GSE1: variants seen among roughly 807,000 people sequenced by gnomAD.
GSE1 encodes genetic suppressor element 1.
Under a neutral mutation model 112.6 loss-of-function variants are expected in GSE1, and 32 were observed. That is an observed-to-expected ratio of 0.28 (90% confidence interval 0.21 to 0.38). The LOEUF (loss-of-function observed/expected upper bound fraction) is 0.38. GSE1 is among the 10% of genes least tolerant of loss of function. GSE1 has a pLI of 1.00. For missense variants in GSE1, 2,348 were observed against 1,699.2 expected, an observed-to-expected ratio of 1.38 and a Z score of -6.71; for synonymous variants, 1,115 against 735.6, an observed-to-expected ratio of 1.52 and a Z score of -8.35.
At chr16:85,358,450 A>G (rs551690026) in intron 2 of GSE1, among the ~76,000 whole-genome samples, 1 of 152,294 alleles carries the variant, frequency 6.6e-6, no homozygotes, top group South Asian at 2.1e-4. Context: ...CTGCCCCCAC[A>G]GCACGGGAGA....
chr16:85,602,454 C>T (rs536959902), intron 1 of GSE1, among the ~76,000 whole-genome samples: 3 of 152,264 alleles, frequency 2.0e-5, no homozygotes, highest in South Asian at 2.1e-4. Context: ...GGGCCCTGGC[C>T]GCCCTGGGGT....
chr16:85,498,188 C>G (rs959466502), intron 2 of GSE1, among the ~76,000 whole-genome samples: 1 of 152,140 alleles, frequency 6.6e-6, no homozygotes, highest in African/African-American at 2.4e-5. Context: ...GCTGCGATTC[C>G]TCTCCTGGGA....
At chr16:85,669,080 G>C (rs544265337) in intron 14 of GSE1, among the ~76,000 whole-genome samples, 1 of 152,372 alleles carries the variant, frequency 6.6e-6, no homozygotes. Context: ...CACGAAGTTG[G>C]GCGTTGCAGC....
intron 2 of GSE1, among the ~76,000 whole-genome samples, chr16:85,398,493 GA>G: frequency 6.6e-6 from 1 of 152,216 alleles, no homozygotes; most frequent in African/African-American, 2.4e-5. Flanking sequence ...GTAGACTGGG[GA>G]TACCCCTGCA....
At position 85,419,467 on chromosome 16, in the gene GSE1, G is replaced by A. The variant is rs12443785; in HGVS notation, c.2464+61824G>A. Among the ~76,000 whole-genome samples the A allele has an allele frequency of 0.02, 3,036 of 152,080 alleles. 170 individuals carry two copies. The highest frequency in any genetic ancestry group is 0.13 in the Admixed American group (1,935 of 15,274). The stretch of plus-strand genomic sequence containing the variant: ...GTCTACGAACAAAAGTTAGCCAGGC[G>A]TGGTGGTGCACATCTGTGGTCCTAG... On this transcript the variant is annotated intron_variant, in intron 2 of 2. Coordinates refer to the GSE1 transcript ENST00000637419. This position sits in a 1 kb window ranked among gnomAD's most constrained non-coding sequence, Gnocchi z 6.5.
At chr16:85,548,493 C>A (rs1356435152) in intron 2 of GSE1, among the ~76,000 whole-genome samples, 1 of 152,138 alleles carries the variant, frequency 6.6e-6, no homozygotes, top group Non-Finnish European at 1.5e-5. Context: ...TGAGATCATG[C>A]AGTGTTTGCC....
chr16:85,633,627 G>T (rs1216499140), intron 1 of GSE1, among the ~76,000 whole-genome samples: 1 of 152,226 alleles, frequency 6.6e-6, no homozygotes, highest in Non-Finnish European at 1.5e-5. Flanking sequence ...GACCTGCCCA[G>T]CCTGGACTGC....
upstream of GSE1, among the ~76,000 whole-genome samples, chr16:85,612,443 G>C (rs971283556): frequency 8.5e-5 from 13 of 152,142 alleles, no homozygotes; most frequent in Non-Finnish European, 1.9e-4. Flanking sequence ...GCAATGGGTC[G>C]TGCCAGTTTC....
At chr16:85,257,500 A>C (rs1052265787) in intron 1 of GSE1, among the ~76,000 whole-genome samples, 2 of 152,260 alleles carry the variant, frequency 1.3e-5, no homozygotes, top group Non-Finnish European at 2.9e-5. Flanking sequence ...GCGAGGAAGG[A>C]TGTTTCTTAT....
intron 1 of GSE1, among the ~76,000 whole-genome samples, chr16:85,580,465 C>G (rs746580242): frequency 2.6e-5 from 4 of 152,184 alleles, no homozygotes; most frequent in African/African-American, 4.8e-5. Context: ...GAACTGGGCT[C>G]CTTCCTGCCA....
At chr16:85,615,463 G>A (rs921237608) in intron 1 of GSE1, among the ~76,000 whole-genome samples, 1 of 152,230 alleles carries the variant, frequency 6.6e-6, no homozygotes, top group East Asian at 1.9e-4. Context: ...CCAAAGTCAG[G>A]AGGGGAAGCT....
intron 1 of GSE1, among the ~76,000 whole-genome samples, chr16:85,207,545 C>T (rs1214123342): frequency 8.7e-6 from 1 of 115,186 alleles, no homozygotes; most frequent in Non-Finnish European, 1.8e-5. Context: ...TGCACCCTGC[C>T]CCAGCGGCAG....
Position 85,668,369 on chromosome 16 carries a change from G to C in GSE1, c.3360G>C (p.Lys1120Asn). 6.2e-7 allele frequency: 1 copy of C among 1,613,406 alleles called. No homozygotes were observed. Among genetic ancestry groups the C allele is most frequent in the Admixed American group, 1.7e-5 (1 of 60,010 alleles). Residue 1120 changes from lysine (K) to asparagine (N), a missense_variant, in exon 14 of 16, where the codon AAG becomes AAC. Physicochemically the swap from Lys to Asn is moderately conservative, Grantham distance 94 (BLOSUM62 0). Transcript: ENST00000253458. ...EDGEDEEEVPKRKWQGIEAVF... is the reference protein window; with the variant it reads ...EDGEDEEEVPNRKWQGIEAVF... ...GAGAAGATGAGGAGGAAGTCCCCAA[G>C]CGCAAGTGGCAAGGGATCGAGGCCG...
intron 1 of GSE1, among the ~76,000 whole-genome samples, chr16:85,558,970 G>C (rs981099510): frequency 6.6e-6 from 1 of 152,136 alleles, no homozygotes; most frequent in Non-Finnish European, 1.5e-5. Flanking sequence ...AGGTTCTCCT[G>C]CCTCAGCCTC....
intron 2 of GSE1, among the ~76,000 whole-genome samples, chr16:85,516,798 C>CTT (rs71151300): frequency 0.2 from 26,031 of 129,490 alleles, 2,997 homozygotes; most frequent in East Asian, 0.3. Context: ...TGTCTTGGTT[C>CTT]TTTTTTTTTT....
At chr16:85,393,773 C>T (rs1215987613) in intron 2 of GSE1, among the ~76,000 whole-genome samples, 2 of 152,198 alleles carry the variant, frequency 1.3e-5, no homozygotes, top group African/African-American at 4.8e-5. Context: ...CCTGCCCAGA[C>T]CCCCTCTATC....
chr16:85,582,592 G>A (rs926374523), intron 1 of GSE1, among the ~76,000 whole-genome samples: 4 of 152,166 alleles, frequency 2.6e-5, no homozygotes, highest in Non-Finnish European at 5.9e-5. Flanking sequence ...TCCTCAGTCA[G>A]CACTGGTGGC....
At chr16:85,519,667 A>ACCATCATCAC (rs2052106421) in intron 2 of GSE1, among the ~76,000 whole-genome samples, 3 of 145,544 alleles carry the variant, frequency 2.1e-5, no homozygotes, top group East Asian at 4.2e-4. Context: ...CACCATCACC[A>ACCATCATCAC]CAGTCTCCAT....
intron 2 of GSE1, among the ~76,000 whole-genome samples, chr16:85,493,135 C>T (rs564962046): frequency 1.2e-3 from 178 of 152,236 alleles, no homozygotes; most frequent in African/African-American, 4.1e-3. Context: ...CAGGGAGGGG[C>T]GATGCAGAGG....
Sources: allele counts gnomAD v4.1 joint callset (sites outside exome capture counted in the v4.1 genomes callset), GRCh38; gene constraint gnomAD v4.1.1; non-coding constraint Gnocchi (gnomAD v3.1); transcripts MANE v1.5; gene names NCBI Gene and HGNC (gene_info 2026-07-23, HGNC 2026-07-21).